The following IGFL2 variants were observed in gnomAD, a reference collection of about 807,000 sequenced individuals.
IGFL2 encodes the protein IGF like family member 2, also known as insulin growth factor-like family member 2.
IGFL2 carries 7 observed loss-of-function variants against 13.9 expected under a neutral mutation model. That is an observed-to-expected ratio of 0.51 (90% CI 0.29 to 0.95). IGFL2 has a LOEUF of 0.95. IGFL2 is among the 40% of genes least tolerant of loss of function. IGFL2 has a pLI of 0.08. For missense variants in IGFL2, 138 were observed against 147.8 expected (o/e 0.93, Z 0.34); for synonymous variants, 55 against 55.8 (o/e 0.99, Z 0.07).
chr19:46,147,124 T>C (rs748635822), upstream of IGFL2, among the ~76,000 whole-genome samples: 2 of 152,232 alleles, frequency 1.3e-5, no homozygotes, highest in Non-Finnish European at 2.9e-5. Flanking sequence ...CACTGTCTGT[T>C]CCTTTTCTGT....
At chr19:46,123,971 G>A in the IGFL2 span, 2 of 1,611,390 alleles carry the variant, frequency 1.2e-6, 1 homozygote, top group Admixed American at 3.4e-5. Context: ...TTCTGCTGGG[G>A]GCCAAAAGAC....
In IGFL2 at chr19:46,154,298, G is replaced by A. The variant is rs540909180; in HGVS notation, c.19+6001G>A. 8.3e-4 allele frequency among the ~76,000 whole-genome samples: 126 copies of A among 152,214 alleles called. 2 individuals carry two copies. In the Middle Eastern group the frequency reaches 0.017, roughly 21 times the overall value. ...TTGCTCTTTTCTTTTTAATAGGCCT[G>A]TGGGCTGCTTAATGTCTAACCCTTT... is the stretch of plus-strand genomic sequence containing the variant. On this transcript the variant is annotated intron_variant, in intron 1 of 3. Transcript: ENST00000377693.
chr19:46,122,913 T>A, the IGFL2 span, among the ~76,000 whole-genome samples: 2 of 150,776 alleles, frequency 1.3e-5, 1 homozygote, highest in Non-Finnish European at 2.9e-5. Context: ...AAGGGTTTGT[T>A]TAGCTCACTA....
chr19:46,174,789 C>T, the IGFL2 span, among the ~76,000 whole-genome samples: 1 of 152,224 alleles, frequency 6.6e-6, no homozygotes, highest in Non-Finnish European at 1.5e-5. Context: ...GATTAACTCT[C>T]TAAATTCCCA....
the IGFL2 span, among the ~76,000 whole-genome samples, chr19:46,130,969 T>C: frequency 1.1e-4 from 17 of 152,188 alleles, no homozygotes; most frequent in Admixed American, 1.1e-3. Flanking sequence ...TACATCTTCT[T>C]TCCACTTTTT....
At chr19:46,150,290 T>TGG (rs1479575724) in intron 1 of IGFL2, among the ~76,000 whole-genome samples, 2 of 152,230 alleles carry the variant, frequency 1.3e-5, no homozygotes, top group East Asian at 1.9e-4. Flanking sequence ...TTATCATATA[T>TGG]ATAATTTGCA....
the IGFL2 span, among the ~76,000 whole-genome samples, chr19:46,082,928 A>G: frequency 2.6e-5 from 4 of 152,130 alleles, no homozygotes; most frequent in African/African-American, 2.4e-5. Flanking sequence ...GCACAATTAC[A>G]TAACCATGGG....
the IGFL2 span, among the ~76,000 whole-genome samples, chr19:46,188,158 G>T: frequency 6.6e-6 from 1 of 152,124 alleles, no homozygotes; most frequent in African/African-American, 2.4e-5. Context: ...AAAAGTTCCA[G>T]TTTCACCCTC....
At chr19:46,137,006 G>A in the IGFL2 span, 1 of 1,574,158 alleles carries the variant, frequency 6.4e-7, no homozygotes, top group African/African-American at 1.4e-5. Context: ...GGCAGAGAAA[G>A]GGACATCTTT....
chr19:46,160,630 A>G lies in IGFL2; in HGVS notation c.90A>G (p.Glu30=), dbSNP rs768043907. The G allele has an allele frequency of 8.7e-6, 14 of 1,614,040 alleles. No homozygotes were observed. Among genetic ancestry groups the G allele is most frequent in the Non-Finnish European group, 9.3e-6 (11 of 1,180,014 alleles). Residue 30 remains glutamate, a synonymous_variant, in exon 3 of 4, where the codon GAA becomes GAG. Coordinates refer to ENST00000377693, the MANE Select transcript of IGFL2 (RefSeq NM_001135113.2). ...TCTGTCCAGCTCCCGCTGGCTCAGA[A>G]CCATGGCTGTGCCAGCCGGCACCCA... ...PREVIAPAGS[E]PWLCQPAPRC...
intron 2 of IGFL2, 55 bp from the exon 3 acceptor site, chr19:46,160,559 T>G (rs1974102734): frequency 6.2e-7 from 1 of 1,612,930 alleles, no homozygotes; most frequent in Non-Finnish European, 8.5e-7. Context: ...GATTGGGGGA[T>G]GTAGTGCCTG....
chr19:46,137,557 A>G, the IGFL2 span: 399 of 1,028,536 alleles, frequency 3.9e-4, no homozygotes, highest in Non-Finnish European at 5.2e-4. Flanking sequence ...TGGAATCGTC[A>G]TCCTCCGTCT....
upstream of IGFL2, among the ~76,000 whole-genome samples, chr19:46,145,806 C>T (rs940479546): frequency 2.5e-4 from 38 of 151,994 alleles, 1 homozygote; most frequent in Non-Finnish European, 2.9e-5. Context: ...AGCATCTGTT[C>T]AGATATTTTG....
intron 1 of IGFL2, among the ~76,000 whole-genome samples, chr19:46,151,207 T>C (rs1973467285): frequency 6.6e-6 from 1 of 152,216 alleles, no homozygotes; most frequent in Non-Finnish European, 1.5e-5. Context: ...ACATTTCTGC[T>C]AAGAGTTTTA....
chr19:46,156,435 A>G (rs1224674114), intron 1 of IGFL2, among the ~76,000 whole-genome samples: 1 of 152,178 alleles, frequency 6.6e-6, no homozygotes, highest in Non-Finnish European at 1.5e-5. Context: ...AACAAGTTCT[A>G]AAGTATTGAA....
At chr19:46,212,844 A>T in the IGFL2 span, 2 of 151,910 alleles carry the variant, frequency 1.3e-5, no homozygotes, top group Non-Finnish European at 2.9e-5. Context: ...TTCCAAGTGG[A>T]CCTCTCCTGG....
chr19:46,113,533 C>A, the IGFL2 span: 1 of 331,748 alleles, frequency 3.0e-6, no homozygotes, highest in Non-Finnish European at 6.2e-6. Flanking sequence ...TCAGTTGTCA[C>A]AGGAAAGACA....
upstream of IGFL2, among the ~76,000 whole-genome samples, chr19:46,142,940 T>C (rs193009891): frequency 1.8e-3 from 279 of 152,348 alleles, 1 homozygote; most frequent in Non-Finnish European, 2.9e-3. Flanking sequence ...AGAATACCTG[T>C]ACATTACAAA....
chr19:46,157,323 GACA>G (rs1182373149), intron 1 of IGFL2, among the ~76,000 whole-genome samples: 1 of 152,028 alleles, frequency 6.6e-6, no homozygotes, highest in African/African-American at 2.4e-5. Flanking sequence ...CAAGAACAAT[GACA>G]ACAACAAAGC....
Sources: gnomAD v4.1 joint callset for allele counts (sites outside exome capture counted in the v4.1 genomes callset) on GRCh38, gnomAD v4.1.1 for gene constraint, MANE v1.5 for transcripts, NCBI Gene and HGNC (gene_info 2026-07-23, HGNC 2026-07-21) for gene names.